Variants in FSHR observed in about 807,000 individuals in gnomAD.
FSHR encodes the protein follicle stimulating hormone receptor, also known as follicle-stimulating hormone receptor.
In FSHR, 46 loss-of-function variants were observed where a neutral mutation model predicts 52.1. The ratio of observed to expected loss-of-function variants is 0.88; its 90% confidence interval spans 0.70 to 1.13. The LOEUF is 1.13. FSHR is among the 50% of genes most tolerant of loss of function. FSHR has a pLI of 0.00. For synonymous variants in FSHR, 399 were observed against 309.6 expected, an observed-to-expected ratio of 1.29 and a Z score of -3.03; for missense variants, 964 against 834.6, an observed-to-expected ratio of 1.16 and a Z score of -1.91.
chr2:49,063,983 A>C (rs1669410814), intron 2 of FSHR, among the ~76,000 whole-genome samples: 2 of 152,110 alleles, frequency 1.3e-5, no homozygotes, highest in Admixed American at 1.3e-4. Flanking sequence ...AAATATGCAC[A>C]ATTATGTGTC....
At chr2:49,090,338 C>G (rs1043960796) in intron 1 of FSHR, among the ~76,000 whole-genome samples, 7 of 152,132 alleles carry the variant, frequency 4.6e-5, no homozygotes, top group African/African-American at 1.4e-4. Flanking sequence ...ATAACTTTGT[C>G]TTTTCTAAAA....
chr2:49,015,871 C>G (rs572487062), intron 4 of FSHR, among the ~76,000 whole-genome samples: 96 of 152,294 alleles, frequency 6.3e-4, no homozygotes, highest in African/African-American at 1.9e-3. Context: ...CAGCAGTCCT[C>G]TGAGTGCGGG....
intron 1 of FSHR, among the ~76,000 whole-genome samples, chr2:49,091,081 T>C (rs1158365857): frequency 1.3e-5 from 2 of 152,062 alleles, no homozygotes; most frequent in Admixed American, 6.6e-5. Flanking sequence ...ATTCTCTTGA[T>C]AGTAGCTTAC....
intron 1 of FSHR, among the ~76,000 whole-genome samples, chr2:49,123,420 C>A (rs989290091): frequency 6.6e-6 from 1 of 152,028 alleles, no homozygotes; most frequent in Non-Finnish European, 1.5e-5. Context: ...CCAGGAGGTT[C>A]AGGTTGCAGT....
At chr2:49,032,837 C>T (rs538026880) in intron 2 of FSHR, among the ~76,000 whole-genome samples, 3 of 152,254 alleles carry the variant, frequency 2.0e-5, no homozygotes, top group African/African-American at 7.2e-5. Context: ...TGTGAATAGC[C>T]ACCCCCTTCC....
chr2:48,989,428 G>A (rs1429901703), intron 5 of FSHR, among the ~76,000 whole-genome samples: 1 of 151,886 alleles, frequency 6.6e-6, no homozygotes, highest in Non-Finnish European at 1.5e-5. Context: ...GACTGCAGGT[G>A]TGCACCACCA....
At chr2:49,021,861 CTCTATATATA>C (rs1369349434) in intron 2 of FSHR, among the ~76,000 whole-genome samples, 1 of 43,476 alleles carries the variant, frequency 2.3e-5, no homozygotes, top group South Asian at 1.0e-3. Flanking sequence ...CTCTCTCTCT[CTCTATATATA>C]TATATATATA....
In FSHR at chr2:49,064,739, T is replaced by G. The variant is rs1354669665; in HGVS notation, c.224+3480A>C. The stretch of plus-strand genomic sequence containing the variant: ...ACTTCAGTACGACGTTTCTACATTG[T>G]GATCTTGGCTTTAATGAATAACCAA... On this transcript the variant is annotated intron_variant, in intron 2 of 9. Transcript: ENST00000406846. Among the ~76,000 whole-genome samples, 4 of 152,164 alleles carry G rather than the reference T, an allele frequency of 2.6e-5. No individual in the cohort carries two copies. The South Asian group carries it at 8.3e-4, about 31-fold the overall frequency.
chr2:49,030,399 C>A (rs1668060414), intron 2 of FSHR, among the ~76,000 whole-genome samples: 1 of 151,904 alleles, frequency 6.6e-6, no homozygotes, highest in Admixed American at 6.6e-5. Context: ...TCGATTGTGC[C>A]TTTTTGATAC....
At chr2:48,964,048 A>G (rs551022193) in intron 9 of FSHR, 82 bp from the exon 10 acceptor site, 2 of 1,428,470 alleles carry the variant, frequency 1.4e-6, no homozygotes, top group South Asian at 2.4e-5. Context: ...CAGGGTAGAA[A>G]TGATGAGTTT....
At chr2:49,103,646 C>T (rs574586252) in intron 1 of FSHR, among the ~76,000 whole-genome samples, 1 of 152,168 alleles carries the variant, frequency 6.6e-6, no homozygotes, top group South Asian at 2.1e-4. Context: ...CAGTGAGGAC[C>T]TATCCCTATC....
At chr2:49,078,471 A>G (rs1418215025) in intron 1 of FSHR, among the ~76,000 whole-genome samples, 2 of 152,202 alleles carry the variant, frequency 1.3e-5, no homozygotes, top group African/African-American at 4.8e-5. Flanking sequence ...AAAAGTAGAC[A>G]GGGACAATAA....
intron 6 of FSHR, among the ~76,000 whole-genome samples, chr2:48,983,801 G>T (rs1437212899): frequency 2.0e-5 from 3 of 152,164 alleles, no homozygotes; most frequent in Non-Finnish European, 4.4e-5. Flanking sequence ...GCAGGGTGAG[G>T]TGATCTGAAT....
intron 1 of FSHR, among the ~76,000 whole-genome samples, chr2:49,142,441 G>A (rs1422236742): frequency 1.3e-5 from 2 of 152,124 alleles, no homozygotes; most frequent in Non-Finnish European, 2.9e-5. Flanking sequence ...GGGGTCCAGG[G>A]TGACAGGAAG....
intron 1 of FSHR, among the ~76,000 whole-genome samples, chr2:49,123,145 T>C (rs1249136580): frequency 2.6e-5 from 4 of 152,224 alleles, no homozygotes; most frequent in Non-Finnish European, 5.9e-5. Flanking sequence ...CTATCAGGTC[T>C]ATAAACTCTG....
intron 1 of FSHR, among the ~76,000 whole-genome samples, chr2:49,152,817 A>T (rs1237359333): frequency 6.6e-6 from 1 of 152,238 alleles, no homozygotes; most frequent in East Asian, 1.9e-4. Flanking sequence ...ATGGCTTCAG[A>T]AATGAGGAAC....
Position 48,963,108 on chromosome 2 carries a change from G to C in FSHR, c.1713C>G (p.Ala571=). The part of the protein sequence containing the change: ...IVSSSSDTRI[A]KRMAMLIFTD... ...TGAAGATGAGCATGGCCATGCGCTT[G>C]GCGATCCTGGTGTCACTAGAGGAGG... Residue 571 remains alanine, a synonymous_variant, in exon 10 of 10, where the codon GCC becomes GCG. Transcript: ENST00000406846. 6.2e-7 allele frequency: 1 copy of C among 1,614,096 alleles called. No homozygotes were observed. Among genetic ancestry groups the C allele is most frequent in the Non-Finnish European group, 8.5e-7 (1 of 1,180,012 alleles).
At chr2:49,120,827 C>T (rs562780314) in intron 1 of FSHR, among the ~76,000 whole-genome samples, 2 of 152,350 alleles carry the variant, frequency 1.3e-5, no homozygotes, top group South Asian at 4.1e-4. Flanking sequence ...GAGTATATCT[C>T]TGCTTCTTTT....
chr2:49,123,622 A>G (rs1182493425), intron 1 of FSHR, among the ~76,000 whole-genome samples: 1 of 152,214 alleles, frequency 6.6e-6, no homozygotes, highest in Non-Finnish European at 1.5e-5. Context: ...TTCCCCATAC[A>G]TTTATATAAT....
Sources: gnomAD v4.1 joint callset for allele counts (sites outside exome capture counted in the v4.1 genomes callset) on GRCh38, gnomAD v4.1.1 for gene constraint, MANE v1.5 for transcripts, NCBI Gene and HGNC (gene_info 2026-07-23, HGNC 2026-07-21) for gene names.